The following NRXN3 variants were observed in gnomAD, a reference collection of about 807,000 sequenced individuals.
NRXN3 encodes neurexin 3.
In NRXN3, 32 loss-of-function variants were observed where a neutral mutation model predicts 137.6. That is an observed-to-expected ratio of 0.23 (90% confidence interval 0.18 to 0.31). The LOEUF is 0.31. Among genes scored for constraint, NRXN3 ranks in the 10% least tolerant of loss-of-function variants. The probability of loss-of-function intolerance (pLI) is 1.00; values close to 1 mark genes in which losing one functional copy is unlikely to be tolerated. For synonymous variants in NRXN3, 798 were observed against 784.5 expected (o/e 1.02, Z -0.29); for missense variants, 1,574 against 2,062.5 (o/e 0.76, Z 4.59).
intron 4 of NRXN3, among the ~76,000 whole-genome samples, chr14:78,504,706 G>C (rs1172735345): frequency 1.3e-5 from 2 of 152,072 alleles, no homozygotes; most frequent in Non-Finnish European, 2.9e-5. Flanking sequence ...AATCATATGA[G>C]TCCTTTGATA....
At chr14:79,249,742 T>C (rs1333158589) in intron 15 of NRXN3, among the ~76,000 whole-genome samples, 1 of 152,182 alleles carries the variant, frequency 6.6e-6, no homozygotes, top group Non-Finnish European at 1.5e-5. Flanking sequence ...AGTCTTATGA[T>C]GTGATCTATA....
At chr14:79,810,789 T>C (rs1005322659) in intron 20 of NRXN3, among the ~76,000 whole-genome samples, 5 of 152,234 alleles carry the variant, frequency 3.3e-5, no homozygotes, top group Non-Finnish European at 5.9e-5. Context: ...ATTTTACTTT[T>C]TATTTGCTGG....
chr14:78,853,033 G>A (rs1004514042), intron 10 of NRXN3, among the ~76,000 whole-genome samples: 22 of 151,934 alleles, frequency 1.4e-4, no homozygotes, highest in African/African-American at 5.1e-4. Context: ...CATTTTTATG[G>A]CTGAATAGTA....
chr14:79,552,555 A>C (rs2097383606), intron 16 of NRXN3, among the ~76,000 whole-genome samples: 1 of 152,198 alleles, frequency 6.6e-6, no homozygotes, highest in Non-Finnish European at 1.5e-5. Context: ...CACAGGATCC[A>C]CACAAAATGG....
At chr14:79,024,232 A>G (rs11159391) in intron 15 of NRXN3, among the ~76,000 whole-genome samples, 78,942 of 151,918 alleles carry the variant, frequency 0.52, 23,326 homozygotes, top group East Asian at 0.78. Flanking sequence ...ATATTCTATA[A>G]CTTCAGGCCA....
At chr14:79,791,850 G>A (rs2099146376) in intron 19 of NRXN3, among the ~76,000 whole-genome samples, 1 of 152,150 alleles carries the variant, frequency 6.6e-6, no homozygotes. Context: ...TAGTTGCAAA[G>A]GAGGCTTGGT....
chr14:78,590,898 A>AAAAC (rs529737555), intron 4 of NRXN3, among the ~76,000 whole-genome samples: 2,022 of 152,264 alleles, frequency 0.013, 39 homozygotes, highest in African/African-American at 0.046. Flanking sequence ...ACTCTGTCTC[A>AAAAC]AAACAAACAA....
chr14:79,775,818 T>G (rs1158647547), intron 19 of NRXN3, among the ~76,000 whole-genome samples: 3 of 152,194 alleles, frequency 2.0e-5, no homozygotes, highest in Non-Finnish European at 4.4e-5. Context: ...ATTTTGGGCA[T>G]CTTGGTTCTA....
intron 10 of NRXN3, among the ~76,000 whole-genome samples, chr14:78,868,255 C>A (rs886732248): frequency 6.6e-6 from 1 of 152,022 alleles, no homozygotes; most frequent in Non-Finnish European, 1.5e-5. Context: ...TAGCATCTGA[C>A]ACTCAGTAGT....
chr14:78,627,126 CT>C, intron 4 of NRXN3, among the ~76,000 whole-genome samples: 1 of 150,776 alleles, frequency 6.6e-6, no homozygotes, highest in African/African-American at 2.5e-5. Flanking sequence ...CTCTCTCTCT[CT>C]CTCTCTCTCT....
At chr14:78,701,153 GTTC>G (rs1285842439) in intron 6 of NRXN3, among the ~76,000 whole-genome samples, 9 of 152,284 alleles carry the variant, frequency 5.9e-5, no homozygotes, top group African/African-American at 2.2e-4. Flanking sequence ...TCCTAAGAAA[GTTC>G]TTCTTGAGAA....
intron 15 of NRXN3, among the ~76,000 whole-genome samples, chr14:79,374,516 T>G (rs1233266957): frequency 6.6e-6 from 1 of 152,060 alleles, no homozygotes; most frequent in Non-Finnish European, 1.5e-5. Context: ...AAAATCTTTT[T>G]TTAAAAAATT....
chr14:79,569,422 G>T (rs2097576990), intron 16 of NRXN3, among the ~76,000 whole-genome samples: 2 of 152,062 alleles, frequency 1.3e-5, no homozygotes, highest in Admixed American at 6.6e-5. Flanking sequence ...CTGATTTACT[G>T]CACCCATCCT....
chr14:78,382,045 A>G (rs975592339), intron 4 of NRXN3, among the ~76,000 whole-genome samples: 2 of 152,146 alleles, frequency 1.3e-5, no homozygotes, highest in African/African-American at 4.8e-5. Flanking sequence ...ATATTGTACT[A>G]TAGGTTTCAC....
chr14:79,376,089 TC>T, intron 15 of NRXN3, among the ~76,000 whole-genome samples: 1 of 147,486 alleles, frequency 6.8e-6, no homozygotes, highest in East Asian at 2.0e-4. Context: ...GTTTTAGTCA[TC>T]ATCATCATCA....
intron 8 of NRXN3, among the ~76,000 whole-genome samples, chr14:78,749,153 G>C (rs781462400): frequency 1.3e-5 from 2 of 152,162 alleles, no homozygotes; most frequent in Non-Finnish European, 2.9e-5. Context: ...TTGTCAGATG[G>C]GCTGAGCAGT....
chr14:79,254,470 C>T (rs2076322744), intron 15 of NRXN3, among the ~76,000 whole-genome samples: 1 of 152,036 alleles, frequency 6.6e-6, no homozygotes, highest in African/African-American at 2.4e-5. Flanking sequence ...AATATTTCAC[C>T]TCTTCACTCT....
intron 15 of NRXN3, among the ~76,000 whole-genome samples, chr14:79,388,849 A>G (rs945219423): frequency 6.6e-6 from 1 of 152,104 alleles, no homozygotes; most frequent in Non-Finnish European, 1.5e-5. Context: ...TAATTGAATC[A>G]TGGAGATGGG....
Position 79,280,128 on chromosome 14 carries a change from T to G in NRXN3, c.3263-187093T>G, listed in dbSNP as rs1316110386. 33 of 1,466,052 alleles carry G rather than the reference T, an allele frequency of 2.3e-5. No individual in the cohort carries two copies. The Admixed American group carries it at 7.3e-4, about 32-fold the overall frequency. 90.8% of individuals were successfully genotyped at this position (1,466,052 alleles called of 1,614,324 possible). ...TTTTTTTCTTTCTTTAAGTAGTAAT[T>G]TTTTAACTGATTCATTGTTTGGAAA... On this transcript the variant is annotated intron_variant, in intron 15 of 20. Transcript: ENST00000335750.
Sources: allele counts gnomAD v4.1 joint callset (sites outside exome capture counted in the v4.1 genomes callset), GRCh38; gene constraint gnomAD v4.1.1; transcripts MANE v1.5; gene names NCBI Gene and HGNC (gene_info 2026-07-23, HGNC 2026-07-21).